The following ZNF385D variants were observed in gnomAD, a reference collection of about 807,000 sequenced individuals.
ZNF385D encodes zinc finger protein 385D, also known as zinc finger protein 659.
Under a neutral mutation model 35.8 loss-of-function variants are expected in ZNF385D, and 15 were observed. That is an observed-to-expected ratio of 0.42 (90% CI 0.28 to 0.64). The LOEUF (loss-of-function observed/expected upper bound fraction) is 0.64. Among genes scored for constraint, ZNF385D ranks in the 30% least tolerant of loss-of-function variants. ZNF385D has a pLI of 0.23. For synonymous variants in ZNF385D, 212 were observed against 186.8 expected (o/e 1.13, Z -1.10); for missense variants, 474 against 494.6 (o/e 0.96, Z 0.39).
At chr3:21,801,102 T>C (rs2072378876) in intron 3 of ZNF385D, among the ~76,000 whole-genome samples, 1 of 152,194 alleles carries the variant, frequency 6.6e-6, no homozygotes, top group South Asian at 2.1e-4. Context: ...CCCTTCATTC[T>C]ATTAATATTC....
chr3:21,714,666 C>T (rs1286878171), intron 1 of ZNF385D, among the ~76,000 whole-genome samples: 1 of 152,148 alleles, frequency 6.6e-6, no homozygotes, highest in Non-Finnish European at 1.5e-5. Context: ...TTTCTCCAAT[C>T]TTCAAAAACA....
At chr3:21,489,236 A>G (rs151280) in intron 4 of ZNF385D, among the ~76,000 whole-genome samples, 123,058 of 152,034 alleles carry the variant, frequency 0.81, 50,093 homozygotes, top group African/African-American at 0.89. Flanking sequence ...ACGGTCCAGG[A>G]AGCCCCAAAG....
At chr3:22,146,916 T>C (rs1011003455) in intron 3 of ZNF385D, among the ~76,000 whole-genome samples, 22 of 152,188 alleles carry the variant, frequency 1.4e-4, no homozygotes, top group Non-Finnish European at 2.8e-4. Flanking sequence ...GTCTCGTTTT[T>C]ACATGAGACT....
intron 1 of ZNF385D, among the ~76,000 whole-genome samples, chr3:21,747,911 G>A (rs935740189): frequency 1.1e-4 from 16 of 152,162 alleles, no homozygotes; most frequent in African/African-American, 3.6e-4. Context: ...ATTGATGGGG[G>A]TGGGAGGGTA....
chr3:21,861,988 G>A lies in ZNF385D; in HGVS notation c.326-196960C>T, dbSNP rs571399823. 2.0e-5 allele frequency among the ~76,000 whole-genome samples: 3 copies of A among 152,166 alleles called. No homozygotes were observed. In the South Asian group the frequency reaches 6.2e-4, roughly 32 times the overall value. The stretch of plus-strand genomic sequence containing the variant: ...AGACGTAATCACATAAATCAAGTGA[G>A]CCCTAACACTAACGCTCTATCATCT... On this transcript the variant is annotated intron_variant, in intron 3 of 5. Transcript: ENST00000494108.
chr3:22,106,210 G>A lies in ZNF385D; in HGVS notation c.325+62607C>T, dbSNP rs189725642. 5.5e-3 allele frequency among the ~76,000 whole-genome samples: 844 copies of A among 152,154 alleles called. 13 individuals are homozygous for A. Among genetic ancestry groups the A allele is most frequent in the African/African-American group, 0.018 (764 of 41,508 alleles). ...TTGAAAATCACTGCCATAAATATTA[G>A]GTTGTAAGGAAACTGGTCATCGACA... On this transcript the variant is annotated intron_variant, in intron 3 of 5. Transcript: ENST00000494108.
chr3:21,434,209 G>A (rs1445109224), intron 5 of ZNF385D, among the ~76,000 whole-genome samples: 2 of 152,154 alleles, frequency 1.3e-5, no homozygotes, highest in Non-Finnish European at 2.9e-5. Context: ...CAACTTGGTA[G>A]TTGGCTAAAT....
At chr3:22,131,413 T>G (rs1703778305) in intron 3 of ZNF385D, among the ~76,000 whole-genome samples, 1 of 152,104 alleles carries the variant, frequency 6.6e-6, no homozygotes, top group Non-Finnish European at 1.5e-5. Flanking sequence ...TTCAAAGTGT[T>G]TTTCTATAAG....
At chr3:21,788,212 C>T (rs553333430) in intron 3 of ZNF385D, among the ~76,000 whole-genome samples, 5 of 152,270 alleles carry the variant, frequency 3.3e-5, no homozygotes, top group African/African-American at 1.2e-4. Context: ...GGCGCAGTGG[C>T]TCACGCCTGT....
chr3:22,353,779 T>C (rs1004424663), intron 2 of ZNF385D, among the ~76,000 whole-genome samples: 1 of 152,120 alleles, frequency 6.6e-6, no homozygotes, highest in Admixed American at 6.6e-5. Context: ...AGCCACACTC[T>C]CATCTTTACA....
At chr3:22,074,535 C>A (rs992553035) in intron 3 of ZNF385D, among the ~76,000 whole-genome samples, 1 of 151,834 alleles carries the variant, frequency 6.6e-6, no homozygotes, top group African/African-American at 2.4e-5. Context: ...ATATAAGCAG[C>A]CTGAATGTTT....
upstream of ZNF385D, among the ~76,000 whole-genome samples, chr3:21,755,963 T>C (rs1198285805): frequency 1.3e-5 from 2 of 151,814 alleles, no homozygotes; most frequent in African/African-American, 4.8e-5. Context: ...AAACCAAGAG[T>C]TGACTTCAAA....
intron 2 of ZNF385D, among the ~76,000 whole-genome samples, chr3:22,358,688 T>C (rs984383028): frequency 2.0e-5 from 3 of 151,836 alleles, no homozygotes; most frequent in East Asian, 3.9e-4. Context: ...GCTTGCCTAA[T>C]GGTCTTTATT....
chr3:22,365,073 G>A (rs188694762), intron 2 of ZNF385D, among the ~76,000 whole-genome samples: 8 of 152,142 alleles, frequency 5.3e-5, no homozygotes, highest in African/African-American at 1.7e-4. Flanking sequence ...ATAGCATGGT[G>A]GTTGCCAGGG....
chr3:21,886,314 C>G (rs554657433), intron 3 of ZNF385D, among the ~76,000 whole-genome samples: 99 of 151,928 alleles, frequency 6.5e-4, no homozygotes, highest in African/African-American at 2.1e-3. Flanking sequence ...ACTTAATTCG[C>G]TGCACAGTGA....
At chr3:22,080,484 T>A (rs1190940093) in intron 3 of ZNF385D, among the ~76,000 whole-genome samples, 1 of 152,120 alleles carries the variant, frequency 6.6e-6, no homozygotes, top group East Asian at 1.9e-4. Context: ...TAAAATCATA[T>A]AAATAAAAGC....
chr3:21,891,018 C>G (rs979231569), intron 3 of ZNF385D, among the ~76,000 whole-genome samples: 10 of 152,118 alleles, frequency 6.6e-5, no homozygotes, highest in Non-Finnish European at 1.3e-4. Flanking sequence ...TGGACTAATA[C>G]AGGTTTGGAT....
At chr3:22,281,749 G>A (rs913697810) in intron 2 of ZNF385D, among the ~76,000 whole-genome samples, 1 of 151,944 alleles carries the variant, frequency 6.6e-6, no homozygotes, top group Non-Finnish European at 1.5e-5. Context: ...GATAATACTG[G>A]CTTCATAGAA....
At chr3:21,816,255 T>C (rs1270351337) in intron 3 of ZNF385D, among the ~76,000 whole-genome samples, 5 of 152,158 alleles carry the variant, frequency 3.3e-5, no homozygotes, top group Admixed American at 6.5e-5. Flanking sequence ...AAGCATTCCC[T>C]TTGAAAACTG....
Sources: allele counts gnomAD v4.1 joint callset (sites outside exome capture counted in the v4.1 genomes callset), GRCh38; gene constraint gnomAD v4.1.1; transcripts MANE v1.5; gene names NCBI Gene and HGNC (gene_info 2026-07-23, HGNC 2026-07-21).